The following TFCP2L1 variants were observed in gnomAD, a reference collection of about 807,000 sequenced individuals.
TFCP2L1 encodes transcription factor CP2 like 1.
In TFCP2L1, 12 loss-of-function variants were observed where a neutral mutation model predicts 72.2. The ratio of observed to expected loss-of-function variants is 0.17; its 90% confidence interval spans 0.11 to 0.27. The LOEUF is 0.27. Ranked by LOEUF, TFCP2L1 falls within the 10% of genes least tolerant of loss-of-function variation. The pLI, the probability that TFCP2L1 is intolerant of heterozygous loss-of-function variation, is 1.00. For missense variants in TFCP2L1, 488 were observed against 624.6 expected, an observed-to-expected ratio of 0.78 and a Z score of 2.33; for synonymous variants, 260 against 251.0, an observed-to-expected ratio of 1.04 and a Z score of -0.34.
At chr2:121,257,010 C>T (rs771860093) in intron 2 of TFCP2L1, among the ~76,000 whole-genome samples, 3 of 152,122 alleles carry the variant, frequency 2.0e-5, no homozygotes, top group Non-Finnish European at 4.4e-5. Context: ...AGAACCATAC[C>T]GGGCAGGAGT....
At chr2:121,237,758 C>T in intron 9 of TFCP2L1, 42 bp from the exon 10 acceptor site, 1 of 1,614,010 alleles carries the variant, frequency 6.2e-7, no homozygotes, top group South Asian at 1.1e-5. Context: ...TGGCTCAGGG[C>T]CCACGAGGGA....
At position 121,274,763 on chromosome 2, in the gene TFCP2L1, A is replaced by G. The variant is rs570299976; in HGVS notation, c.214+6357T>C. ...AGTTTGAGACCAGCCTGGGCAACAT[A>G]GTGGGATCTTGTATCTACGAAAAAT... On this transcript the variant is annotated intron_variant, in intron 2 of 14. Transcript: ENST00000263707. Among the ~76,000 whole-genome samples the G allele has an allele frequency of 8.5e-5, 13 of 152,164 alleles. No homozygotes were observed. In the East Asian group the frequency reaches 2.3e-3, roughly 27 times the overall value.
chr2:121,249,093 G>A lies in TFCP2L1; in HGVS notation c.292-6C>T. 2 of 1,557,316 alleles carry A rather than the reference G, an allele frequency of 1.3e-6. No homozygotes were observed. Among genetic ancestry groups the A allele is most frequent in the South Asian group, 1.2e-5 (1 of 83,894 alleles). On this transcript the variant is annotated splice_polypyrimidine_tract_variant and splice_region_variant and intron_variant, in intron 3 of 14. Coordinates refer to ENST00000263707, the MANE Select transcript of TFCP2L1 (RefSeq NM_014553.3). ...AAGACCACACGGATGATGCTCTGGG[G>A]AGGGAGGCCAGCAGGGAAACAAGTG...
Position 121,221,699 on chromosome 2 carries a change from G to C in TFCP2L1, c.*2642C>G, listed in dbSNP as rs946646156. The stretch of plus-strand genomic sequence containing the variant: ...CTTCTTGACCTTGGATTAGGCAATG[G>C]TTTTCTAGATATGGCACCAAAAGCA... On this transcript the variant is annotated 3_prime_UTR_variant, in exon 15 of 15. Transcript: ENST00000263707. The C allele has an allele frequency of 1.1e-4, 17 of 152,062 alleles. No individual in the cohort carries two copies. Among genetic ancestry groups the C allele is most frequent in the African/African-American group, 4.1e-4 (17 of 41,400 alleles). 9.4% of individuals were successfully genotyped at this position (152,062 alleles called of 1,614,324 possible). A position where few individuals can be genotyped will look rare whatever the true frequency, so the allele number is the denominator to read the frequency against.
rs1274664688 is a variant in TFCP2L1, at chr2:121,216,587, T to C, written c.*7754A>G. ...CAACTCAAGGCCTGAGCCACAGAGG[T>C]TTCTTACAAATGTGAGTTTTATTTG... On this transcript the variant is annotated 3_prime_UTR_variant, in exon 15 of 15. Coordinates refer to ENST00000263707, the MANE Select transcript of TFCP2L1 (RefSeq NM_014553.3). 6.6e-6 allele frequency: 1 copy of C among 151,986 alleles called. No homozygotes were observed. The highest frequency in any genetic ancestry group is 2.4e-5 in the African/African-American group (1 of 41,372). 9.4% of individuals were successfully genotyped at this position (151,986 alleles called of 1,614,324 possible).
intron 2 of TFCP2L1, among the ~76,000 whole-genome samples, chr2:121,270,384 A>G (rs1687022009): frequency 6.6e-6 from 1 of 152,236 alleles, no homozygotes; most frequent in Non-Finnish European, 1.5e-5. Context: ...TATTGTTCAC[A>G]AAGTACAAAC....
At chr2:121,240,182 T>G (rs956436957) in intron 7 of TFCP2L1, 16 of 985,040 alleles carry the variant, frequency 1.6e-5, no homozygotes, top group South Asian at 4.7e-5. Flanking sequence ...TCGGTGAAAT[T>G]TGATGGTGTT....
chr2:121,237,652 T>C lies in TFCP2L1; in HGVS notation c.974A>G (p.Gln325Arg). The C allele has an allele frequency of 6.2e-7, 1 of 1,614,162 alleles. No individual in the cohort carries two copies. The highest frequency in any genetic ancestry group is 1.1e-5 in the South Asian group (1 of 91,088). Residue 325 changes from glutamine to arginine, a missense_variant, in exon 10 of 15, where the codon CAG becomes CGG. By Grantham distance (43) the Gln-to-Arg change is conservative. Transcript: ENST00000263707. ...QQWLHRNRFS[Q>R]FCRLFASFSG... Reference sequence around the variant, plus strand: ...GAAGCTGGCAAAGAGCCGGCAGAACTGCGAGAACCTGTTGCGGTGAAGCCA... The same window carrying C: ...GAAGCTGGCAAAGAGCCGGCAGAACCGCGAGAACCTGTTGCGGTGAAGCCA...
intron 10 of TFCP2L1, 120 bp downstream of exon 10, chr2:121,237,503 T>A: frequency 8.5e-7 from 1 of 1,171,860 alleles, no homozygotes; most frequent in Non-Finnish European, 1.2e-6. Flanking sequence ...CCACACTATC[T>A]CGGGTCTCCC....
At chr2:121,277,488 T>C (rs1687170691) in intron 2 of TFCP2L1, among the ~76,000 whole-genome samples, 1 of 152,254 alleles carries the variant, frequency 6.6e-6, no homozygotes, top group African/African-American at 2.4e-5. Flanking sequence ...TTTGGTGATA[T>C]GCATCAAAAG....
rs1441692750 is a variant in TFCP2L1, at chr2:121,275,252, CGGGCGCCTGT to C, written c.214+5858_214+5867del. Among the ~76,000 whole-genome samples the C allele has an allele frequency of 1.3e-4, 17 of 133,648 alleles. No homozygotes were observed. In the East Asian group the frequency reaches 2.1e-3, roughly 17 times the overall value. 87.7% of individuals were successfully genotyped at this position (133,648 alleles called of 152,430 possible). A position where few individuals can be genotyped will look rare whatever the true frequency, so the allele number is the denominator to read the frequency against. On this transcript the variant is annotated intron_variant, in intron 2 of 14. Coordinates refer to ENST00000263707, the MANE Select transcript of TFCP2L1 (RefSeq NM_014553.3). ...ACAAACTGTTAGCCAGGCATGGCGG[CGGGCGCCTGT>C]AGTCGCGGCGCCTGTAGTCCCAGCT...
At chr2:121,280,702 T>G (rs1354570347) in intron 2 of TFCP2L1, among the ~76,000 whole-genome samples, 1 of 140,208 alleles carries the variant, frequency 7.1e-6, no homozygotes, top group South Asian at 2.2e-4. Context: ...AGGTCAAGGG[T>G]GCAGTGAGCC....
At position 121,216,658 on chromosome 2, in the gene TFCP2L1, A is replaced by G. The variant is rs998819725; in HGVS notation, c.*7683T>C. ...TCCCACATACAGACTTCTCGTCCGCACTATGGTACAGTAACAAGTGCAAAA... is the reference window on the plus strand; with the variant it reads ...TCCCACATACAGACTTCTCGTCCGCGCTATGGTACAGTAACAAGTGCAAAA... On this transcript the variant is annotated 3_prime_UTR_variant, in exon 15 of 15. Transcript: ENST00000263707. The G allele has an allele frequency of 1.3e-5, 2 of 152,212 alleles. No homozygotes were observed. The highest frequency in any genetic ancestry group is 4.8e-5 in the African/African-American group (2 of 41,446). The allele number at this position is 152,212 out of a possible 1,614,324, so 9.4% of individuals were successfully genotyped here.
rs184118007 is a variant in TFCP2L1 at position 121,275,851 on chromosome 2, G to T, written c.214+5269C>A. Among the ~76,000 whole-genome samples the T allele has an allele frequency of 2.1e-3, 323 of 152,298 alleles. 2 individuals are homozygous for T. Among genetic ancestry groups the T allele is most frequent in the Non-Finnish European group, 3.0e-3 (205 of 68,014 alleles). On this transcript the variant is annotated intron_variant, in intron 2 of 14. Transcript: ENST00000263707. Reference sequence around the variant, plus strand: ...CTCCCAAAGTGCTGGGATTACAGGCGTGAGCCACCGCGCCCAGTTGAGAAG... The same window carrying T: ...CTCCCAAAGTGCTGGGATTACAGGCTTGAGCCACCGCGCCCAGTTGAGAAG...
At chr2:121,278,663 G>C (rs1641608279) in intron 2 of TFCP2L1, among the ~76,000 whole-genome samples, 1 of 149,400 alleles carries the variant, frequency 6.7e-6, no homozygotes, top group Non-Finnish European at 1.5e-5. Flanking sequence ...TCCAGCCTGG[G>C]TGACAGAGCA....
At position 121,285,120 on chromosome 2, in the gene TFCP2L1, C is replaced by T; in HGVS notation, c.-11G>A. On this transcript the variant is annotated 5_prime_UTR_variant, in exon 1 of 15. Transcript: ENST00000263707. ...GTGCCAGAAGAGCATGGCTGGAACT[C>T]CCAGCGCGCCGACCGGGGCGCGGCA... The T allele has an allele frequency of 1.3e-6, 2 of 1,491,700 alleles. No homozygotes were observed. The highest frequency in any genetic ancestry group is 1.8e-6 in the Non-Finnish European group (2 of 1,119,364). The allele number at this position is 1,491,700 out of a possible 1,614,324, so 92.4% of individuals were successfully genotyped here. A position where few individuals can be genotyped will look rare whatever the true frequency, so the allele number is the denominator to read the frequency against.
chr2:121,276,888 T>C (rs1393948244), intron 2 of TFCP2L1, among the ~76,000 whole-genome samples: 1 of 151,952 alleles, frequency 6.6e-6, no homozygotes, highest in Non-Finnish European at 1.5e-5. Context: ...GAAAAGTTTA[T>C]TTCAAAGAAT....
At chr2:121,263,750 G>A (rs1686875424) in intron 2 of TFCP2L1, among the ~76,000 whole-genome samples, 1 of 152,218 alleles carries the variant, frequency 6.6e-6, no homozygotes, top group Non-Finnish European at 1.5e-5. Context: ...TTGTGTGTGT[G>A]TGTTTACGAC....
At chr2:121,233,194 TTTTC>T (rs1266953580) in intron 12 of TFCP2L1, among the ~76,000 whole-genome samples, 1 of 152,010 alleles carries the variant, frequency 6.6e-6, no homozygotes, top group African/African-American at 2.4e-5. Context: ...GGGTGTGCAC[TTTTC>T]TTTTTTTTTC....
Sources: gnomAD v4.1 joint callset for allele counts (sites outside exome capture counted in the v4.1 genomes callset) on GRCh38, gnomAD v4.1.1 for gene constraint, MANE v1.5 for transcripts, NCBI Gene and HGNC (gene_info 2026-07-23, HGNC 2026-07-21) for gene names.